The following SETD4 variants were observed in gnomAD, a reference collection of about 807,000 sequenced individuals.
SETD4 encodes SET domain containing 4, also known as SET domain-containing protein 4.
A neutral mutation model predicts 58.3 loss-of-function variants in SETD4; 46 were observed. The ratio of observed to expected loss-of-function variants is 0.79; its 90% CI spans 0.62 to 1.01. The LOEUF is 1.01. Ranked by LOEUF, SETD4 falls within the 50% of genes least tolerant of loss-of-function variation. The pLI, the probability that SETD4 is intolerant of heterozygous loss-of-function variation, is 0.00. For synonymous variants in SETD4, 190 were observed against 202.6 expected, an observed-to-expected ratio of 0.94 and a Z score of 0.53; for missense variants, 490 against 523.3, an observed-to-expected ratio of 0.94 and a Z score of 0.62.
intron 4 of SETD4, among the ~76,000 whole-genome samples, chr21:36,050,062 G>A (rs1427339572): frequency 6.6e-6 from 1 of 152,150 alleles, no homozygotes; most frequent in Non-Finnish European, 1.5e-5. Context: ...GCTTCCACCT[G>A]CTAGGAGGGT....
intron 4 of SETD4, 151 bp downstream of exon 4, chr21:36,053,432 T>C: frequency 1.3e-6 from 1 of 767,416 alleles, no homozygotes; most frequent in South Asian, 1.7e-5. Flanking sequence ...ACAAACTTAA[T>C]CCTAGTTGAT....
In SETD4 at chr21:36,043,540, C is replaced by T. The variant is rs923417783; in HGVS notation, c.901+242G>A. 7 of 1,330,570 alleles carry T rather than the reference C, an allele frequency of 5.3e-6. No homozygotes were observed. In the African/African-American group the frequency reaches 7.4e-5, roughly 14 times the overall value. The allele number at this position is 1,330,570 out of a possible 1,614,324, so 82.4% of individuals were successfully genotyped here. ...TTCCTTAGCAGTTTTCCTTTTCTTC[C>T]ATTCTATCTTCTGACCCAATGCAAT... On this transcript the variant is annotated intron_variant, in intron 7 of 11. Coordinates refer to ENST00000332131, the MANE Select transcript of SETD4 (RefSeq NM_017438.5).
chr21:36,049,522 TCTAGC>T (rs2064533359), intron 4 of SETD4, among the ~76,000 whole-genome samples: 1 of 152,076 alleles, frequency 6.6e-6, no homozygotes, highest in Non-Finnish European at 1.5e-5. Flanking sequence ...GCCACTGTAC[TCTAGC>T]CTGGGCGACA....
intron 4 of SETD4, among the ~76,000 whole-genome samples, chr21:36,050,015 T>C (rs2064561994): frequency 6.6e-6 from 1 of 152,218 alleles, no homozygotes; most frequent in Admixed American, 6.5e-5. Context: ...GTAAGTTTTA[T>C]GTTAGATGAG....
At chr21:36,046,079 T>C (rs2064315099) in intron 5 of SETD4, 68 bp from the exon 6 acceptor site, 4 of 1,531,850 alleles carry the variant, frequency 2.6e-6, no homozygotes, top group African/African-American at 2.8e-5. Flanking sequence ...CCAAGCAGTT[T>C]GTTTTGCTGC....
At position 36,036,251 on chromosome 21, in the gene SETD4, C is replaced by A. The variant is rs766284068; in HGVS notation, c.1189G>T (p.Val397Leu). ...TCTTTTTCATCCTTCATATGAGACA[C>A]CTGAAAGTTATTTTTTAATTATTGT... Reference protein sequence around the residue: ...IEETNAVLQKVSHMKDEKEAL... With the variant: ...IEETNAVLQKLSHMKDEKEAL... The change falls in exon 11 of 12, where the codon GTG (valine) becomes TTG (leucine). Residue 397 changes from valine (V) to leucine (L), a missense_variant and splice_region_variant. By Grantham distance (32) the Val-to-Leu change is conservative. Coordinates refer to ENST00000332131, the MANE Select transcript of SETD4 (RefSeq NM_017438.5). 3 of 1,581,948 alleles carry A rather than the reference C, an allele frequency of 1.9e-6. No individual in the cohort carries two copies. Among genetic ancestry groups the A allele is most frequent in the East Asian group, 4.5e-5 (2 of 44,650 alleles).
intron 3 of SETD4, among the ~76,000 whole-genome samples, chr21:36,055,485 G>A (rs1394532279): frequency 6.6e-6 from 1 of 152,102 alleles, no homozygotes; most frequent in East Asian, 1.9e-4. Context: ...GAAATGCTGC[G>A]GTCAGTTCCC....
At position 36,036,251 on chromosome 21, in the gene SETD4, C is replaced by T. The variant is rs766284068; in HGVS notation, c.1189G>A (p.Val397Met). 6.3e-7 allele frequency: 1 copy of T among 1,581,948 alleles called. No individual in the cohort carries two copies. Among genetic ancestry groups the T allele is most frequent in the East Asian group, 2.2e-5 (1 of 44,650 alleles). ...IEETNAVLQKVSHMKDEKEAL... is the reference protein window; with the variant it reads ...IEETNAVLQKMSHMKDEKEAL... ...TCTTTTTCATCCTTCATATGAGACA[C>T]CTGAAAGTTATTTTTTAATTATTGT... The change falls in exon 11 of 12, where the codon GTG (valine) becomes ATG (methionine). Residue 397 changes from valine to methionine, a missense_variant and splice_region_variant. Val to Met is a conservative substitution (Grantham distance 21). Coordinates refer to ENST00000332131, the MANE Select transcript of SETD4 (RefSeq NM_017438.5).
intron 10 of SETD4, among the ~76,000 whole-genome samples, chr21:36,037,604 CAAAAA>C (rs761175944): frequency 1.6e-5 from 1 of 62,744 alleles, no homozygotes; most frequent in African/African-American, 6.1e-5. Flanking sequence ...GACTCTGTCT[CAAAAA>C]AAAAAAAAAA....
At position 36,036,660 on chromosome 21, in the gene SETD4, C is replaced by T. The variant is rs1017862987; in HGVS notation, c.1189-409G>A. 27 of 968,598 alleles carry T rather than the reference C, an allele frequency of 2.8e-5. No individual in the cohort carries two copies. In the Admixed American group the frequency reaches 1.0e-3, roughly 38 times the overall value. The allele number at this position is 968,598 out of a possible 1,614,324, so 60.0% of individuals were successfully genotyped here. On this transcript the variant is annotated intron_variant, in intron 10 of 11. Transcript: ENST00000332131. ...TGTTTTCATACGAATAAGCTGATTT[C>T]TCATTTAACTAAAACATTTACTAAA...
At chr21:36,056,575 T>C (rs531638320) in intron 3 of SETD4, among the ~76,000 whole-genome samples, 1 of 152,316 alleles carries the variant, frequency 6.6e-6, no homozygotes, top group African/African-American at 2.4e-5. Flanking sequence ...TGTTAGTTTT[T>C]TGAGACAAGG....
rs375678593 is a variant in SETD4, at chr21:36,048,251, T to C, written c.296+57A>G. ...TGTGTCTCAAGTGACATATTTGCCA[T>C]TGACAGACCTTAAGGAGAAGCACTT... is the stretch of plus-strand genomic sequence containing the variant. On this transcript the variant is annotated intron_variant, in intron 5 of 11. Transcript: ENST00000332131. 52 of 1,396,068 alleles carry C rather than the reference T, an allele frequency of 3.7e-5. No homozygotes were observed. The African/African-American group carries it at 4.0e-4, about 11-fold the overall frequency. 86.5% of individuals were successfully genotyped at this position (1,396,068 alleles called of 1,614,324 possible). A position where few individuals can be genotyped will look rare whatever the true frequency, so the allele number is the denominator to read the frequency against.
intron 7 of SETD4, 101 bp from the exon 8 acceptor site, chr21:36,041,989 G>A (rs2123560911): frequency 1.6e-6 from 1 of 613,540 alleles, no homozygotes; most frequent in East Asian, 2.9e-5. Context: ...TAGCAACCCA[G>A]ACATGCATAA....
At position 36,045,837 on chromosome 21, in the gene SETD4, T is replaced by G. The variant is rs2064300575; in HGVS notation, c.471A>C (p.Ala157=). The change falls in exon 6 of 12, where the codon GCA becomes GCC. Residue 157 remains alanine (A), a synonymous_variant. Coordinates refer to ENST00000332131, the MANE Select transcript of SETD4 (RefSeq NM_017438.5). ...VVNLLPKSLK[A]KAEEQRAHVQ... ...CGTGGGCTCTCTGCTCTTCAGCCTT[T>G]GCTTTTAAAGATTTGGGAAGAAGGT... The G allele has an allele frequency of 1.9e-6, 3 of 1,614,186 alleles. No individual in the cohort carries two copies. Among genetic ancestry groups the G allele is most frequent in the Non-Finnish European group, 2.5e-6 (3 of 1,180,040 alleles).
intron 7 of SETD4, chr21:36,043,428 T>C: frequency 3.2e-5 from 33 of 1,027,172 alleles, no homozygotes; most frequent in Non-Finnish European, 3.9e-5. Flanking sequence ...TAAATATTTT[T>C]TATTCATTGC....
chr21:36,055,999 T>A (rs1057418490), intron 3 of SETD4, among the ~76,000 whole-genome samples: 16 of 152,192 alleles, frequency 1.1e-4, no homozygotes, highest in Non-Finnish European at 1.6e-4. Flanking sequence ...AGGGTGTGGC[T>A]TTTACTGACC....
At chr21:36,038,003 A>C (rs2063864222) in intron 10 of SETD4, 147 bp downstream of exon 10, 19 of 1,015,572 alleles carry the variant, frequency 1.9e-5, no homozygotes, top group Non-Finnish European at 2.4e-5. Flanking sequence ...TCTCAAAGAA[A>C]ACAAAAATAG....
chr21:36,039,400 A>G (rs908458536), intron 9 of SETD4, among the ~76,000 whole-genome samples: 1 of 152,184 alleles, frequency 6.6e-6, no homozygotes, highest in Non-Finnish European at 1.5e-5. Context: ...GGCCTAAGGA[A>G]GACCTCTGGG....
At chr21:36,036,942 G>A (rs752311533) in intron 10 of SETD4, among the ~76,000 whole-genome samples, 3 of 152,154 alleles carry the variant, frequency 2.0e-5, no homozygotes, top group Non-Finnish European at 4.4e-5. Flanking sequence ...GACCAATATT[G>A]CATGATCTCA....
Sources: gnomAD v4.1 joint callset for allele counts (sites outside exome capture counted in the v4.1 genomes callset) on GRCh38, gnomAD v4.1.1 for gene constraint, MANE v1.5 for transcripts, NCBI Gene and HGNC (gene_info 2026-07-23, HGNC 2026-07-21) for gene names.